The following ZBTB43 variants were observed in gnomAD, a reference collection of about 807,000 sequenced individuals.
ZBTB43 encodes the protein zinc finger and BTB domain containing 43.
A neutral mutation model predicts 31.1 loss-of-function variants in ZBTB43; 6 were observed. That is an observed-to-expected ratio of 0.19 (90% confidence interval 0.11 to 0.38). The LOEUF (loss-of-function observed/expected upper bound fraction) is 0.38, where lower values mean the gene tolerates loss of function less well. Ranked by LOEUF, ZBTB43 falls within the 10% of genes least tolerant of loss-of-function variation. The probability of loss-of-function intolerance (pLI) is 1.00; values close to 1 mark genes in which losing one functional copy is unlikely to be tolerated. For missense variants in ZBTB43, 379 were observed against 602.1 expected (o/e 0.63, Z 3.88); for synonymous variants, 212 against 221.7 (o/e 0.96, Z 0.39).
chr9:126,819,279 A>ATTTTTTTTTT (rs71377975), intron 2 of ZBTB43, among the ~76,000 whole-genome samples: 1 of 100,192 alleles, frequency 1.0e-5, no homozygotes, highest in African/African-American at 3.8e-5. Context: ...CGGATATTGC[A>ATTTTTTTTTT]TTTTTTTTTT....
At chr9:126,813,033 T>A (rs372616600) in intron 2 of ZBTB43, among the ~76,000 whole-genome samples, 1 of 151,278 alleles carries the variant, frequency 6.6e-6, no homozygotes, top group East Asian at 2.0e-4. Flanking sequence ...CAGGCTGGAG[T>A]GCTTTGGCAT....
chr9:126,812,880 A>G (rs552087955), intron 2 of ZBTB43, among the ~76,000 whole-genome samples: 2 of 151,550 alleles, frequency 1.3e-5, no homozygotes, highest in Non-Finnish European at 2.9e-5. Flanking sequence ...CACTTTCTTG[A>G]TGGTATCATT....
Position 126,812,593 on chromosome 9 carries a change from C to CTGTG in ZBTB43, c.-24+3679_-24+3680insGTGT, listed in dbSNP as rs1190870182. Among the ~76,000 whole-genome samples, 9 of 152,208 alleles carry CTGTG rather than the reference C, an allele frequency of 5.9e-5. No homozygotes were observed. The East Asian group carries it at 1.5e-3, about 26-fold the overall frequency. On this transcript the variant is annotated intron_variant, in intron 2 of 2. Coordinates refer to ENST00000373464, the MANE Select transcript of ZBTB43 (RefSeq NM_014007.4). ...CCGACACCTGTTATTGTCTGTCTGT[C>CTGTG]TTTTGACAGCCATTTTAGTGAGTGA...
intron 2 of ZBTB43, among the ~76,000 whole-genome samples, chr9:126,817,498 C>T (rs866255652): frequency 7.0e-4 from 101 of 144,322 alleles, no homozygotes; most frequent in African/African-American, 2.4e-3. Flanking sequence ...TTTTTTGAGA[C>T]GGAGTCTCGC....
chr9:126,814,910 A>G (rs1222767088), intron 2 of ZBTB43, among the ~76,000 whole-genome samples: 1 of 141,068 alleles, frequency 7.1e-6, no homozygotes, highest in African/African-American at 2.7e-5. Flanking sequence ...TCATTTCAGT[A>G]TTTTAAAATG....
rs1297144445 is a variant in ZBTB43 at position 126,834,579 on chromosome 9, G to A, written c.*666G>A. 1 of 167,018 alleles carries A rather than the reference G, an allele frequency of 6.0e-6. No homozygotes were observed. Among genetic ancestry groups the A allele is most frequent in the South Asian group, 2.1e-4 (1 of 4,826 alleles). The allele number at this position is 167,018 out of a possible 1,614,324, so 10.3% of individuals were successfully genotyped here. A position where few individuals can be genotyped will look rare whatever the true frequency, so the allele number is the denominator to read the frequency against. On this transcript the variant is annotated 3_prime_UTR_variant, in exon 3 of 3. Coordinates refer to ENST00000373464, the MANE Select transcript of ZBTB43 (RefSeq NM_014007.4). ...TGTAAGATGCCACTACTGTCACAAG[G>A]TGTTTCAGACTCTTGATAAGGCAGT...
chr9:126,821,138 G>A (rs2032500098), intron 2 of ZBTB43, among the ~76,000 whole-genome samples: 1 of 152,106 alleles, frequency 6.6e-6, no homozygotes, highest in South Asian at 2.1e-4. Context: ...GGAGGCCAAG[G>A]TGGGTGAATC....
chr9:126,813,484 G>A (rs1053036263), intron 2 of ZBTB43, among the ~76,000 whole-genome samples: 1 of 152,070 alleles, frequency 6.6e-6, no homozygotes, highest in African/African-American at 2.4e-5. Context: ...ATCACTCATT[G>A]TCACTCATAG....
intron 1 of ZBTB43, among the ~76,000 whole-genome samples, chr9:126,807,215 A>G (rs972260174): frequency 6.6e-6 from 1 of 152,238 alleles, no homozygotes; most frequent in Non-Finnish European, 1.5e-5. Flanking sequence ...AACCCTGCTA[A>G]TTGAACTATG....
intron 2 of ZBTB43, among the ~76,000 whole-genome samples, chr9:126,821,648 G>T (rs1424355994): frequency 6.6e-6 from 1 of 152,222 alleles, no homozygotes; most frequent in Non-Finnish European, 1.5e-5. Context: ...GGTAAAACTT[G>T]AGTGGATGAG....
intron 2 of ZBTB43, among the ~76,000 whole-genome samples, chr9:126,810,190 A>ATTTG (rs917435654): frequency 2.3e-4 from 35 of 149,686 alleles, no homozygotes; most frequent in South Asian, 6.4e-4. Flanking sequence ...TTGTTTGTTT[A>ATTTG]TTTGTTTGTT....
chr9:126,818,525 A>G (rs2032443337), intron 2 of ZBTB43, among the ~76,000 whole-genome samples: 1 of 152,106 alleles, frequency 6.6e-6, no homozygotes, highest in Admixed American at 6.5e-5. Context: ...GGTTACAGGC[A>G]TGAGCCACCA....
chr9:126,830,405 G>C (rs1406242123), intron 2 of ZBTB43, among the ~76,000 whole-genome samples: 2 of 152,208 alleles, frequency 1.3e-5, no homozygotes, highest in Non-Finnish European at 2.9e-5. Context: ...CAGCACTTTG[G>C]GAGGCCAGGC....
intron 1 of ZBTB43, 50 bp from the exon 2 acceptor site, chr9:126,808,743 A>G (rs1381405598): frequency 1.3e-5 from 2 of 152,188 alleles, no homozygotes. Flanking sequence ...TAGCAAATAC[A>G]CGTGTACATA....
At chr9:126,829,436 A>G (rs1185281519) in intron 2 of ZBTB43, among the ~76,000 whole-genome samples, 4 of 152,248 alleles carry the variant, frequency 2.6e-5, no homozygotes, top group African/African-American at 4.8e-5. Context: ...CGATACATCC[A>G]TATAATAGAA....
intron 2 of ZBTB43, among the ~76,000 whole-genome samples, chr9:126,811,114 C>T (rs971152335): frequency 1.3e-5 from 2 of 150,340 alleles, no homozygotes; most frequent in Non-Finnish European, 2.9e-5. Flanking sequence ...CTCAGCTACT[C>T]AGGAGGCTGA....
In ZBTB43 at chr9:126,822,610, G is replaced by T. The variant is rs201984481; in HGVS notation, c.-23-9877G>T. ...ACAAAAATTAGCTGAACATGGTGAT[G>T]CATGCCTGTAGTCCAGCTCCTTGGG... On this transcript the variant is annotated intron_variant, in intron 2 of 2. Coordinates refer to ENST00000373464, the MANE Select transcript of ZBTB43 (RefSeq NM_014007.4). Among the ~76,000 whole-genome samples, 3 of 152,148 alleles carry T rather than the reference G, an allele frequency of 2.0e-5. No individual in the cohort carries two copies. The East Asian group carries it at 5.8e-4, about 29-fold the overall frequency.
At chr9:126,804,667 TAG>T (rs1235472270), upstream of ZBTB43, among the ~76,000 whole-genome samples, 1 of 152,194 alleles carries the variant, frequency 6.6e-6, no homozygotes, top group African/African-American at 2.4e-5. Flanking sequence ...GTATGTTTTG[TAG>T]AGACAGGGTT....
intron 2 of ZBTB43, chr9:126,831,378 C>G (rs936977446): frequency 6.6e-6 from 1 of 152,200 alleles, no homozygotes; most frequent in Admixed American, 6.6e-5. Context: ...GTGGTATATA[C>G]CCATAGACCC....
Sources: allele counts gnomAD v4.1 joint callset (sites outside exome capture counted in the v4.1 genomes callset), GRCh38; gene constraint gnomAD v4.1.1; transcripts MANE v1.5; gene names NCBI Gene and HGNC (gene_info 2026-07-23, HGNC 2026-07-21).